Variants in DPP6 observed in about 807,000 individuals in gnomAD.
DPP6 encodes dipeptidyl peptidase like 6.
A neutral mutation model predicts 122.6 loss-of-function variants in DPP6; 69 were observed. The observed-to-expected ratio is 0.56, with a 90% confidence interval of 0.46 to 0.69. The LOEUF is 0.69. DPP6 is among the 30% of genes least tolerant of loss of function. The pLI is 0.00. For missense variants in DPP6, 928 were observed against 1,116.9 expected, an observed-to-expected ratio of 0.83 and a Z score of 2.41; for synonymous variants, 418 against 433.1, an observed-to-expected ratio of 0.97 and a Z score of 0.43.
At chr7:154,093,693 C>G (rs1302915386) in intron 1 of DPP6, 3 of 152,058 alleles carry the variant, frequency 2.0e-5, no homozygotes, top group Non-Finnish European at 4.4e-5. Context: ...GCCCCCACCA[C>G]TTGGAGCCAC....
At chr7:153,951,666 A>T (rs1369923296) in intron 1 of DPP6, among the ~76,000 whole-genome samples, 1 of 152,044 alleles carries the variant, frequency 6.6e-6, no homozygotes, top group Non-Finnish European at 1.5e-5. Context: ...TTATTTCTGG[A>T]TACTATCCTA....
chr7:154,647,745 T>C (rs1387278655), intron 6 of DPP6, among the ~76,000 whole-genome samples: 1 of 152,228 alleles, frequency 6.6e-6, no homozygotes, highest in Non-Finnish European at 1.5e-5. Flanking sequence ...TTTATTTATG[T>C]TTTAATTTTG....
At chr7:154,446,018 C>A (rs762223334) in intron 1 of DPP6, among the ~76,000 whole-genome samples, 196 bp from the exon 2 acceptor site, 2 of 152,158 alleles carry the variant, frequency 1.3e-5, no homozygotes, top group Non-Finnish European at 1.5e-5. Flanking sequence ...AAAATGACAG[C>A]CGAAGGCTTT....
chr7:153,796,675 G>A, the DPP6 span, among the ~76,000 whole-genome samples: 2 of 152,152 alleles, frequency 1.3e-5, no homozygotes, highest in Non-Finnish European at 1.5e-5. Flanking sequence ...TGATCTCTGG[G>A]GGTGGGTGGC....
intron 6 of DPP6, among the ~76,000 whole-genome samples, chr7:154,649,720 T>C (rs1836747297): frequency 6.6e-6 from 1 of 152,224 alleles, no homozygotes; most frequent in Non-Finnish European, 1.5e-5. Flanking sequence ...GTGTCCGGCC[T>C]GCAGGAGCAG....
At chr7:154,709,708 G>A (rs906052343) in intron 7 of DPP6, among the ~76,000 whole-genome samples, 18 of 151,582 alleles carry the variant, frequency 1.2e-4, no homozygotes, top group Admixed American at 3.3e-4. Context: ...TCAAGCCAGC[G>A]GTTCACTTTT....
intron 10 of DPP6, among the ~76,000 whole-genome samples, chr7:154,791,776 C>T (rs749401924): frequency 6.6e-6 from 1 of 152,190 alleles, no homozygotes; most frequent in African/African-American, 2.4e-5. Context: ...TGTGACTCCG[C>T]GGGCCATGTC....
At chr7:153,887,340 A>G (rs1040308207) in exon 1 of DPP6, 2 of 195,084 alleles carry the variant, frequency 1.0e-5, no homozygotes, top group Admixed American at 5.6e-5. Context: ...GCGCGCAGTC[A>G]GAGCTGCCTC....
intron 1 of DPP6, among the ~76,000 whole-genome samples, chr7:154,395,474 G>A (rs1563599253): frequency 6.6e-6 from 1 of 152,106 alleles, no homozygotes; most frequent in Non-Finnish European, 1.5e-5. Context: ...TCACCTCCGC[G>A]GCTAAGTTAA....
intron 3 of DPP6, among the ~76,000 whole-genome samples, chr7:154,519,208 G>A (rs1248554336): frequency 2.0e-5 from 3 of 151,878 alleles, no homozygotes; most frequent in Non-Finnish European, 4.4e-5. Context: ...CAGAGCCAGA[G>A]TCATAAGACA....
chr7:154,575,574 G>A (rs1172270572), intron 5 of DPP6, among the ~76,000 whole-genome samples: 2 of 96,302 alleles, frequency 2.1e-5, no homozygotes, highest in African/African-American at 4.8e-5. Context: ...TGTGGTATAT[G>A]TGTATGTGTG....
intron 1 of DPP6, among the ~76,000 whole-genome samples, chr7:154,105,150 A>C (rs7799432): frequency 0.018 from 2,676 of 152,348 alleles, 71 homozygotes; most frequent in African/African-American, 0.061. Flanking sequence ...AAAAAACATA[A>C]GATCGAATTT....
intron 1 of DPP6, among the ~76,000 whole-genome samples, chr7:154,247,262 A>T (rs1415695844): frequency 4.6e-5 from 7 of 152,266 alleles, no homozygotes; most frequent in Middle Eastern, 3.4e-3. Context: ...GCAGTGAGCC[A>T]AGATTGCAGT....
chr7:154,175,117 T>C (rs1316800170), intron 1 of DPP6, among the ~76,000 whole-genome samples: 1 of 152,052 alleles, frequency 6.6e-6, no homozygotes, highest in East Asian at 1.9e-4. Flanking sequence ...GCATGTCTTA[T>C]GCTTGAATTA....
At chr7:154,094,124 C>T (rs184072777) in intron 1 of DPP6, 2 of 152,242 alleles carry the variant, frequency 1.3e-5, no homozygotes, top group Admixed American at 6.5e-5. Context: ...GCTAGACAGA[C>T]GGTATCCCCG....
chr7:154,319,305 G>A (rs1371924388), intron 1 of DPP6, among the ~76,000 whole-genome samples: 1 of 152,200 alleles, frequency 6.6e-6, no homozygotes, highest in Admixed American at 6.5e-5. Flanking sequence ...TTAAAGACAA[G>A]GTTAAAACTC....
intron 7 of DPP6, among the ~76,000 whole-genome samples, chr7:154,709,785 T>G (rs1841062752): frequency 6.6e-6 from 1 of 152,182 alleles, no homozygotes; most frequent in African/African-American, 2.4e-5. Flanking sequence ...TCGCTTCTTC[T>G]TATTACTTTG....
chr7:154,311,043 G>A (rs374204304), intron 1 of DPP6, among the ~76,000 whole-genome samples: 1 of 152,166 alleles, frequency 6.6e-6, no homozygotes, highest in Non-Finnish European at 1.5e-5. Context: ...TAAGCTCTGA[G>A]AGGTCAATGG....
chr7:154,559,427 C>A (rs1830270004), intron 4 of DPP6, among the ~76,000 whole-genome samples: 1 of 148,656 alleles, frequency 6.7e-6, no homozygotes, highest in African/African-American at 2.5e-5. Flanking sequence ...CATTAAAGTT[C>A]CAGAAAGTGA....
Sources: allele counts gnomAD v4.1 joint callset (sites outside exome capture counted in the v4.1 genomes callset), GRCh38; gene constraint gnomAD v4.1.1; transcripts MANE v1.5; gene names NCBI Gene and HGNC (gene_info 2026-07-23, HGNC 2026-07-21).